The following NBEA variants were observed in gnomAD, a reference collection of about 807,000 sequenced individuals.
NBEA encodes the protein neurobeachin.
A neutral mutation model predicts 343.4 loss-of-function variants in NBEA; 44 were observed. The ratio of observed to expected loss-of-function variants is 0.13; its 90% CI spans 0.10 to 0.16. NBEA has a LOEUF of 0.16. Ranked by LOEUF, NBEA falls within the 10% of genes least tolerant of loss-of-function variation. The pLI is 1.00. For synonymous variants in NBEA, 1,175 were observed against 1,238.7 expected (o/e 0.95, Z 1.08); for missense variants, 2,555 against 3,631.3 (o/e 0.70, Z 7.62).
chr13:35,615,142 AAC>A (rs1432621587), intron 48 of NBEA, among the ~76,000 whole-genome samples: 16 of 140,296 alleles, frequency 1.1e-4, no homozygotes, highest in African/African-American at 2.5e-4. Flanking sequence ...AAAAAAAAAA[AAC>A]AAAAAAAAAT....
intron 11 of NBEA, among the ~76,000 whole-genome samples, chr13:35,100,506 GA>G (rs1593344202): frequency 6.6e-6 from 1 of 151,952 alleles, no homozygotes; most frequent in African/African-American, 2.4e-5. Flanking sequence ...GATAACATAT[GA>G]AATGCCTTTG....
chr13:35,058,960 G>C, intron 8 of NBEA, 97 bp downstream of exon 8: 3 of 1,040,558 alleles, frequency 2.9e-6, no homozygotes, highest in Non-Finnish European at 3.9e-6. Context: ...TACGGTTTAA[G>C]AGTCATTTCT....
rs1022614427 is a variant in NBEA at position 35,327,266 on chromosome 13, C to T, written c.5903+17674C>T. ...AGAGCTACCATTTGACCCAGCAATC[C>T]CATTACTGGGTATATATCCAAAAGA... is the stretch of plus-strand genomic sequence containing the variant. On this transcript the variant is annotated intron_variant, in intron 36 of 58. Coordinates refer to ENST00000379939, the MANE Select transcript of NBEA (RefSeq NM_001385012.1). Among the ~76,000 whole-genome samples, 3 of 151,930 alleles carry T rather than the reference C, an allele frequency of 2.0e-5. No individual in the cohort carries two copies. The East Asian group carries it at 5.8e-4, about 29-fold the overall frequency.
chr13:35,092,851 T>C (rs1434956033), intron 10 of NBEA, among the ~76,000 whole-genome samples: 1 of 152,050 alleles, frequency 6.6e-6, no homozygotes, highest in East Asian at 1.9e-4. Flanking sequence ...CGGCATTTAT[T>C]TATGAGAAAT....
At chr13:34,967,863 A>G (rs948163822) in intron 1 of NBEA, among the ~76,000 whole-genome samples, 1 of 152,080 alleles carries the variant, frequency 6.6e-6, no homozygotes, top group African/African-American at 2.4e-5. Flanking sequence ...AACCTCTTAA[A>G]TTAGAGGCAG....
chr13:35,574,237 C>G (rs1387794054), intron 45 of NBEA, among the ~76,000 whole-genome samples: 2 of 149,894 alleles, frequency 1.3e-5, no homozygotes, highest in African/African-American at 4.9e-5. Context: ...ATATAGATTG[C>G]ATTTTCTTCC....
rs565555233 is a variant in NBEA at position 35,439,436 on chromosome 13, G to A, written c.6304+7043G>A. On this transcript the variant is annotated intron_variant, in intron 39 of 58. Transcript: ENST00000379939. ...ATTATGAATTTGCCAGGTTATCGGG[G>A]AGTAAAGGCAGAGGTCATAACAGAA... Among the ~76,000 whole-genome samples, 195 of 152,252 alleles carry A rather than the reference G, an allele frequency of 1.3e-3. 2 individuals are homozygous for A. Among genetic ancestry groups the A allele is most frequent in the African/African-American group, 4.3e-3 (179 of 41,548 alleles).
chr13:35,261,441 G>A, intron 34 of NBEA, among the ~76,000 whole-genome samples: 1 of 152,224 alleles, frequency 6.6e-6, no homozygotes, highest in African/African-American at 2.4e-5. Context: ...AACCTGGGAG[G>A]TGGAGGTTGC....
chr13:35,356,972 C>T (rs1231512833), intron 38 of NBEA, among the ~76,000 whole-genome samples: 2 of 152,150 alleles, frequency 1.3e-5, no homozygotes, highest in Non-Finnish European at 2.9e-5. Flanking sequence ...CTTTAATCTT[C>T]ATAGCACCTA....
intron 1 of NBEA, among the ~76,000 whole-genome samples, chr13:35,014,527 T>A (rs1021516251): frequency 3.3e-5 from 5 of 152,204 alleles, no homozygotes; most frequent in African/African-American, 1.2e-4. Flanking sequence ...AACTGGGGCT[T>A]GGAGAAGAAG....
chr13:35,526,007 C>G (rs960772314), intron 41 of NBEA, among the ~76,000 whole-genome samples: 2 of 152,158 alleles, frequency 1.3e-5, no homozygotes, highest in Admixed American at 6.5e-5. Context: ...GGATTCCAGT[C>G]TCAGCTCTCC....
chr13:35,048,471 T>G lies in NBEA; in HGVS notation c.724-92T>G, dbSNP rs1191775722. On this transcript the variant is annotated intron_variant, in intron 4 of 58. Coordinates refer to ENST00000379939, the MANE Select transcript of NBEA (RefSeq NM_001385012.1). ...TGATTTTCTGGTATTTATACTTTGA[T>G]TGTTATTTAATCTGCAAAAGCCATA... 4 of 1,167,356 alleles carry G rather than the reference T, an allele frequency of 3.4e-6. No individual in the cohort carries two copies. The African/African-American group carries it at 6.2e-5, about 18-fold the overall frequency. 72.3% of individuals were successfully genotyped at this position (1,167,356 alleles called of 1,614,324 possible).
chr13:35,140,730 T>C (rs2068041568), intron 17 of NBEA, among the ~76,000 whole-genome samples: 1 of 152,176 alleles, frequency 6.6e-6, no homozygotes, highest in Non-Finnish European at 1.5e-5. Context: ...TGCAGATGAA[T>C]GGTACGGACA....
At chr13:35,201,840 G>A (rs1347781761) in intron 31 of NBEA, among the ~76,000 whole-genome samples, 1 of 151,980 alleles carries the variant, frequency 6.6e-6, no homozygotes, top group African/African-American at 2.4e-5. Flanking sequence ...AACTACATTA[G>A]CCCCTCAGCG....
chr13:35,546,555 A>ATTT (rs558048686), intron 41 of NBEA, among the ~76,000 whole-genome samples: 33 of 143,736 alleles, frequency 2.3e-4, no homozygotes, highest in African/African-American at 8.1e-4. Flanking sequence ...ATTATTATTA[A>ATTT]TTTTTTTTTT....
chr13:35,040,559 A>G (rs1465554230), intron 1 of NBEA, among the ~76,000 whole-genome samples: 1 of 152,076 alleles, frequency 6.6e-6, no homozygotes, highest in Non-Finnish European at 1.5e-5. Context: ...AAAAAAATGA[A>G]TTTCATGTCT....
intron 34 of NBEA, among the ~76,000 whole-genome samples, chr13:35,256,157 G>A (rs1239867143): frequency 6.6e-6 from 1 of 152,072 alleles, no homozygotes; most frequent in Non-Finnish European, 1.5e-5. Flanking sequence ...GAGGAGACCT[G>A]CAATGGGTAA....
chr13:35,610,808 A>G (rs747560926), intron 48 of NBEA, among the ~76,000 whole-genome samples: 1 of 152,174 alleles, frequency 6.6e-6, no homozygotes, highest in East Asian at 1.9e-4. Context: ...ATAAAGGACT[A>G]GGATCTAAAA....
At chr13:35,000,522 C>T (rs1188581838) in intron 1 of NBEA, among the ~76,000 whole-genome samples, 1 of 151,492 alleles carries the variant, frequency 6.6e-6, no homozygotes, top group Non-Finnish European at 1.5e-5. Flanking sequence ...TAACATTTTA[C>T]ATGGATTATA....
Sources: gnomAD v4.1 joint callset for allele counts (sites outside exome capture counted in the v4.1 genomes callset) on GRCh38, gnomAD v4.1.1 for gene constraint, MANE v1.5 for transcripts, NCBI Gene and HGNC (gene_info 2026-07-23, HGNC 2026-07-21) for gene names.